The following GALNT13 variants were observed in gnomAD, a reference collection of about 807,000 sequenced individuals.
The protein encoded by GALNT13 is UDP-GalNAc:polypeptide N-acetylgalactosaminyltransferase 13.
GALNT13 carries 28 observed loss-of-function variants against 64.2 expected under a neutral mutation model. The ratio of observed to expected loss-of-function variants is 0.44; its 90% CI spans 0.32 to 0.60. The LOEUF (loss-of-function observed/expected upper bound fraction) is 0.60, where lower values mean the gene tolerates loss of function less well. GALNT13 is among the 20% of genes least tolerant of loss of function. The pLI is 0.05. For synonymous variants in GALNT13, 214 were observed against 224.6 expected, an observed-to-expected ratio of 0.95 and a Z score of 0.42; for missense variants, 577 against 669.8, an observed-to-expected ratio of 0.86 and a Z score of 1.53.
intron 4 of GALNT13, among the ~76,000 whole-genome samples, chr2:154,228,305 T>A (rs1226404005): frequency 6.6e-6 from 1 of 152,144 alleles, no homozygotes; most frequent in African/African-American, 2.4e-5. Flanking sequence ...CATTTTTACA[T>A]CTTAATTGAC....
chr2:153,654,394 A>AT, the GALNT13 span, among the ~76,000 whole-genome samples: 1 of 152,102 alleles, frequency 6.6e-6, no homozygotes, highest in Non-Finnish European at 1.5e-5. Flanking sequence ...AAATATCATC[A>AT]TTTTTGTAGG....
At chr2:153,367,970 CAT>C in the GALNT13 span, among the ~76,000 whole-genome samples, 2 of 152,008 alleles carry the variant, frequency 1.3e-5, no homozygotes, top group Admixed American at 6.6e-5. Flanking sequence ...TAAATAGTAA[CAT>C]AAATAAAAAT....
chr2:153,993,063 T>G (rs773657611), intron 3 of GALNT13, among the ~76,000 whole-genome samples: 18 of 152,168 alleles, frequency 1.2e-4, no homozygotes, highest in Non-Finnish European at 2.1e-4. Flanking sequence ...CAAGCTGTTC[T>G]TTATGAAGGA....
chr2:153,919,939 C>T (rs1241834270), intron 2 of GALNT13, among the ~76,000 whole-genome samples: 1 of 148,684 alleles, frequency 6.7e-6, no homozygotes, highest in Admixed American at 6.7e-5. Flanking sequence ...AGGGGTTGGA[C>T]TTGAATCAAC....
the GALNT13 span, among the ~76,000 whole-genome samples, chr2:153,722,537 T>C: frequency 3.4e-4 from 51 of 148,688 alleles, no homozygotes; most frequent in Admixed American, 2.9e-3. Context: ...TTTGAAAGGA[T>C]CAACAAAATT....
the GALNT13 span, among the ~76,000 whole-genome samples, chr2:153,335,131 C>T: frequency 6.6e-6 from 1 of 152,138 alleles, no homozygotes; most frequent in Non-Finnish European, 1.5e-5. Context: ...TGAGGCTTCC[C>T]CAGCCACATG....
chr2:154,152,907 G>T lies in GALNT13; in HGVS notation c.311+12402G>T, dbSNP rs186670283. Among the ~76,000 whole-genome samples, 65 of 152,102 alleles carry T rather than the reference G, an allele frequency of 4.3e-4. 1 individual carries two copies. In the East Asian group the frequency reaches 0.011, roughly 26 times the overall value. On this transcript the variant is annotated intron_variant, in intron 4 of 12. Transcript: ENST00000392825. ...TCCTGTAGGTTGGAGTAGTTTGATC[G>T]TCTGAAGCCTTCTTCTCTCAACTCA... is the stretch of plus-strand genomic sequence containing the variant.
rs191591393 is a variant in GALNT13, at chr2:154,150,877, C to A, written c.311+10372C>A. 5.9e-3 allele frequency among the ~76,000 whole-genome samples: 896 copies of A among 152,172 alleles called. 9 individuals carry two copies. The highest frequency in any genetic ancestry group is 0.02 in the African/African-American group (832 of 41,518). ...CAATTTTGGTGATCCTTTCAAAAAA[C>A]CAGCTCCTGGATTCATTAATTTTTT... On this transcript the variant is annotated intron_variant, in intron 4 of 12. Coordinates refer to ENST00000392825, the MANE Select transcript of GALNT13 (RefSeq NM_052917.4).
chr2:153,322,833 C>CT, the GALNT13 span, among the ~76,000 whole-genome samples: 2 of 152,150 alleles, frequency 1.3e-5, no homozygotes, highest in East Asian at 1.9e-4. Flanking sequence ...TGAACTCCTT[C>CT]TTTTTTATGG....
rs187743364 is a variant in GALNT13 at position 154,446,436 on chromosome 2, C to T, written c.1531-3975C>T. ...TCTAAAAAAATGTGGCTCACAGCTC[C>T]ATGGATACAATTATTGTGACATGTG... On this transcript the variant is annotated intron_variant, in intron 12 of 12. Coordinates refer to ENST00000392825, the MANE Select transcript of GALNT13 (RefSeq NM_052917.4). 5.1e-4 allele frequency: 495 copies of T among 972,508 alleles called. 4 individuals are homozygous for T. The South Asian group carries it at 0.012, about 24-fold the overall frequency. The allele number at this position is 972,508 out of a possible 1,614,324, so 60.2% of individuals were successfully genotyped here. A position where few individuals can be genotyped will look rare whatever the true frequency, so the allele number is the denominator to read the frequency against.
intron 4 of GALNT13, among the ~76,000 whole-genome samples, chr2:154,200,395 C>T (rs1445414111): frequency 6.6e-6 from 1 of 152,010 alleles, no homozygotes; most frequent in Non-Finnish European, 1.5e-5. Context: ...AGAAGAAATG[C>T]CACTACATTA....
intron 4 of GALNT13, among the ~76,000 whole-genome samples, chr2:154,233,048 A>AG (rs1175923683): frequency 6.6e-6 from 1 of 151,410 alleles, no homozygotes; most frequent in Non-Finnish European, 1.5e-5. Context: ...AAAAAAAAAA[A>AG]AAAAAAAAAG....
intron 10 of GALNT13, 134 bp from the exon 11 acceptor site, chr2:154,408,850 G>A (rs1699667299): frequency 3.1e-6 from 2 of 638,220 alleles, no homozygotes; most frequent in East Asian, 5.5e-5. Context: ...AAAGTAATAT[G>A]TTTTTCTTGG....
the GALNT13 span, among the ~76,000 whole-genome samples, chr2:153,622,183 A>G: frequency 6.6e-6 from 1 of 152,164 alleles, no homozygotes; most frequent in Non-Finnish European, 1.5e-5. Flanking sequence ...AGCTATAAAT[A>G]AAATAATTCT....
chr2:154,106,777 G>A (rs183011922), intron 3 of GALNT13, among the ~76,000 whole-genome samples: 1 of 151,868 alleles, frequency 6.6e-6, no homozygotes, highest in African/African-American at 2.4e-5. Context: ...ATATTTATGG[G>A]GTACAATGTG....
At chr2:154,224,809 C>T (rs1432354973) in intron 4 of GALNT13, among the ~76,000 whole-genome samples, 2 of 152,006 alleles carry the variant, frequency 1.3e-5, no homozygotes, top group Non-Finnish European at 2.9e-5. Context: ...ATCTAAATTC[C>T]TCTTAACCTT....
intron 9 of GALNT13, among the ~76,000 whole-genome samples, chr2:154,345,956 T>C (rs1189539299): frequency 6.6e-6 from 1 of 152,106 alleles, no homozygotes; most frequent in Non-Finnish European, 1.5e-5. Flanking sequence ...TAAATCTCTA[T>C]TCAAAATTTC....
At position 154,080,722 on chromosome 2, in the gene GALNT13, C is replaced by T. The variant is rs189431723; in HGVS notation, c.143-59615C>T. 3.8e-4 allele frequency among the ~76,000 whole-genome samples: 58 copies of T among 151,678 alleles called. No individual in the cohort carries two copies. The East Asian group carries it at 8.7e-3, about 23-fold the overall frequency. On this transcript the variant is annotated intron_variant, in intron 3 of 12. Coordinates refer to ENST00000392825, the MANE Select transcript of GALNT13 (RefSeq NM_052917.4). ...CTGCATATCCACTTTCTCCCTAATC[C>T]TTTGACTATTCAAATAATATTATCA...
chr2:154,446,664 A>G (rs778402262), intron 12 of GALNT13: 15 of 1,548,796 alleles, frequency 9.7e-6, no homozygotes, highest in Non-Finnish European at 1.2e-5. Flanking sequence ...CTGTAATGAT[A>G]GCACTTTGCA....
Sources: gnomAD v4.1 joint callset for allele counts (sites outside exome capture counted in the v4.1 genomes callset) on GRCh38, gnomAD v4.1.1 for gene constraint, MANE v1.5 for transcripts, NCBI Gene and HGNC (gene_info 2026-07-23, HGNC 2026-07-21) for gene names.